KIF12: variants seen among roughly 807,000 people sequenced by gnomAD.
The protein encoded by KIF12 is kinesin-like protein KIF12.
In KIF12, 80 loss-of-function variants were observed where a neutral mutation model predicts 87.9. The observed-to-expected ratio is 0.91, with a 90% CI of 0.76 to 1.10. KIF12 has a LOEUF of 1.10. Among genes scored for constraint, KIF12 ranks in the 50% least tolerant of loss-of-function variants. The pLI is 0.00. For missense variants in KIF12, 819 were observed against 865.3 expected (o/e 0.95, Z 0.67); for synonymous variants, 353 against 348.5 (o/e 1.01, Z -0.14).
Position 114,093,943 on chromosome 9 carries a change from C to T in KIF12, c.1343G>A (p.Arg448Gln), listed in dbSNP as rs78637712. The T allele has an allele frequency of 1.5e-4, 249 of 1,614,074 alleles. No individual in the cohort carries two copies. The highest frequency in any genetic ancestry group is 8.7e-4 in the African/African-American group (65 of 75,020). ...GCGCTGCTCATTCTGGGCCAGGTCT[C>T]GGCTATTCTGCAGCTGGCTCTTTTC... ...RKEKSQLQNSRDLAQNEQRIL... is the reference protein window; with the variant it reads ...RKEKSQLQNSQDLAQNEQRIL... The change falls in exon 14 of 19, where the codon CGA (arginine) becomes CAA (glutamine). Residue 448 changes from arginine (R) to glutamine (Q), a missense_variant. Transcript: ENST00000640217.
chr9:114,092,915 G>C, intron 16 of KIF12: 1 of 1,431,342 alleles, frequency 7.0e-7, no homozygotes, highest in Middle Eastern at 2.6e-4. Flanking sequence ...CTGGTATAAA[G>C]CAAGGAGCTT....
Position 114,097,643 on chromosome 9 carries a change from G to C in KIF12, c.474C>G (p.Thr158=), listed in dbSNP as rs1254130727. 2 of 1,611,774 alleles carry C rather than the reference G, an allele frequency of 1.2e-6. No individual in the cohort carries two copies. Among genetic ancestry groups the C allele is most frequent in the South Asian group, 1.1e-5 (1 of 90,986 alleles). Residue 158 remains threonine (T), a synonymous_variant, in exon 6 of 19, where the codon ACC becomes ACG. Coordinates refer to ENST00000640217, the MANE Select transcript of KIF12 (RefSeq NM_001388308.1). ...AGATCTCCAGATAAGAGGCGCGAAG[G>C]GTGACAGGGGCACCCAGGTGCTGCA... is the stretch of plus-strand genomic sequence containing the variant. The part of the protein sequence containing the change: ...DRVQHLGAPV[T]LRASYLEIYN...
At chr9:114,096,333 C>G (rs931584699) in intron 8 of KIF12, 54 bp downstream of exon 8, 1 of 1,595,478 alleles carries the variant, frequency 6.3e-7, no homozygotes, top group Admixed American at 1.7e-5. Flanking sequence ...TGTCCAGATA[C>G]AGACCCTTGC....
chr9:114,097,738 C>A lies in KIF12; in HGVS notation c.379G>T (p.Glu127Ter), dbSNP rs769856643. 6.2e-7 allele frequency: 1 copy of A among 1,613,080 alleles called. No individual in the cohort carries two copies. Among genetic ancestry groups the A allele is most frequent in the Admixed American group, 1.7e-5 (1 of 59,836 alleles). ...AGGCTGGGGGGTACAGGCACCCCCT[C>A]CCCCTAGGGGCAAAACCAGCTGAGC... The part of the protein sequence containing the change: ...YTLTGPPPQG[E>*]GVPVPPSLAG... The change falls in exon 6 of 19, where the codon GAG becomes TAG. Residue 127 changes from glutamate (E) to a stop codon, truncating the protein, a stop_gained. Coordinates refer to ENST00000640217, the MANE Select transcript of KIF12 (RefSeq NM_001388308.1). LOFTEE classifies it high-confidence loss of function.
rs1344528667 is a variant in KIF12, at chr9:114,093,292, G to A, written c.1533C>T (p.Cys511=). Residue 511 remains cysteine, a synonymous_variant, in exon 16 of 19, where the codon TGC becomes TGT. Transcript: ENST00000640217. ...PLYSCPCCHI[C]PLCRVPLAHW... is the part of the protein sequence containing the mutation. Reference sequence around the variant, plus strand: ...GGGCCAGGGGCACTCGACACAGTGGGCAGATGTGGCAGCAGGGGCAGGAGT... The same window carrying A: ...GGGCCAGGGGCACTCGACACAGTGGACAGATGTGGCAGCAGGGGCAGGAGT... 15 of 1,561,076 alleles carry A rather than the reference G, an allele frequency of 9.6e-6. No homozygotes were observed. Among genetic ancestry groups the A allele is most frequent in the Non-Finnish European group, 1.3e-5 (15 of 1,151,864 alleles).
chr9:114,097,983 C>T (rs1250957078), intron 5 of KIF12, 132 bp downstream of exon 5: 20 of 1,022,552 alleles, frequency 2.0e-5, no homozygotes, highest in Admixed American at 2.9e-5. Flanking sequence ...TCAGCGTCCT[C>T]GTCTGCAAAC....
Position 114,093,625 on chromosome 9 carries a change from C to T in KIF12, c.1401-128G>A, listed in dbSNP as rs551819120. ...ACCGGGCCCCATTCTCAAAGTTTTA[C>T]ATGTTAACTTATTCTCTCTGATTTT... is the stretch of plus-strand genomic sequence containing the variant. On this transcript the variant is annotated intron_variant, in intron 14 of 18. Coordinates refer to ENST00000640217, the MANE Select transcript of KIF12 (RefSeq NM_001388308.1). 81 of 798,798 alleles carry T rather than the reference C, an allele frequency of 1.0e-4. 1 individual carries two copies. In the East Asian group the frequency reaches 1.3e-3, roughly 12 times the overall value. 49.5% of individuals were successfully genotyped at this position (798,798 alleles called of 1,614,324 possible). A position where few individuals can be genotyped will look rare whatever the true frequency, so the allele number is the denominator to read the frequency against.
chr9:114,091,854 T>C lies in KIF12; in HGVS notation c.*7A>G. 3 of 1,593,822 alleles carry C rather than the reference T, an allele frequency of 1.9e-6. No individual in the cohort carries two copies. The highest frequency in any genetic ancestry group is 1.1e-5 in the South Asian group (1 of 90,048). Reference sequence around the variant, plus strand: ...ACACAGCAGTCTCCTGGGTTCCCACTTGGCCTTCAATGGGGAGGGAGGACT... The same window carrying C: ...ACACAGCAGTCTCCTGGGTTCCCACCTGGCCTTCAATGGGGAGGGAGGACT... On this transcript the variant is annotated 3_prime_UTR_variant, in exon 19 of 19. Transcript: ENST00000640217.
In KIF12 at chr9:114,092,545, T is replaced by C; in HGVS notation, c.1694A>G (p.Glu565Gly). Residue 565 changes from glutamate to glycine, a missense_variant, in exon 17 of 19, where the codon GAG (glutamate) becomes GGG (glycine). By Grantham distance (98) the Glu-to-Gly change is moderately conservative. Transcript: ENST00000640217. ...CAGTGCCCCAGGAGAGACCCACCTC[T>C]CTCTTGGGCACTTGGCAGAGCCAGG... is the stretch of plus-strand genomic sequence containing the variant. ...CSPGSAKCPRERSHSDWTQTR... is the reference protein window; with the variant it reads ...CSPGSAKCPRGRSHSDWTQTR... 2 of 1,612,332 alleles carry C rather than the reference T, an allele frequency of 1.2e-6. No homozygotes were observed. Among genetic ancestry groups the C allele is most frequent in the Admixed American group, 1.7e-5 (1 of 59,936 alleles).
At chr9:114,093,160 T>C in intron 16 of KIF12, 69 bp downstream of exon 16, 2 of 1,380,454 alleles carry the variant, frequency 1.4e-6, no homozygotes, top group Non-Finnish European at 2.0e-6. Context: ...GGGCTCTGGA[T>C]TGATGACTCC....
intron 7 of KIF12, 45 bp downstream of exon 7, chr9:114,097,256 G>A (rs778579836): frequency 3.8e-5 from 61 of 1,590,512 alleles, no homozygotes; most frequent in Non-Finnish European, 4.9e-5. Flanking sequence ...AACAACTGAG[G>A]AATGGGCACC....
At chr9:114,094,940 A>G in intron 11 of KIF12, 83 bp downstream of exon 11, 6 of 1,244,756 alleles carry the variant, frequency 4.8e-6, no homozygotes, top group African/African-American at 1.5e-5. Flanking sequence ...CAAGACTTCA[A>G]TCAAGGGACT....
At chr9:114,098,753 G>A (rs1847356528) in intron 3 of KIF12, among the ~76,000 whole-genome samples, 182 bp downstream of exon 3, 1 of 145,192 alleles carries the variant, frequency 6.9e-6, no homozygotes. Flanking sequence ...CGCAGGGGTT[G>A]GCGCGGCGCA....
chr9:114,092,101 T>C (rs1218270072), intron 18 of KIF12, 101 bp from the exon 19 acceptor site: 79 of 1,461,122 alleles, frequency 5.4e-5, no homozygotes, highest in Non-Finnish European at 7.1e-5. Context: ...AGGGGGTAGG[T>C]ACCCTCCACC....
Position 114,096,138 on chromosome 9 carries a change from C to G in KIF12, c.808G>C (p.Ala270Pro). ...VGGKLCFVDL[A>P]GSEKVAATGS... ...GTGGCTGCTACCTTCTCACTGCCTG[C>G]CAGGTCCACAAAGCACAGCTTCCCA... Residue 270 changes from alanine to proline, a missense_variant, in exon 9 of 19, where the codon GCA becomes CCA. Coordinates refer to ENST00000640217, the MANE Select transcript of KIF12 (RefSeq NM_001388308.1). 6.2e-7 allele frequency: 1 copy of G among 1,613,922 alleles called. No individual in the cohort carries two copies.
In KIF12 at chr9:114,098,124, G is replaced by C; in HGVS notation, c.366C>G (p.Pro122=). The change falls in exon 5 of 19, where the codon CCC becomes CCG. Residue 122 remains proline, a synonymous_variant. Coordinates refer to ENST00000640217, the MANE Select transcript of KIF12 (RefSeq NM_001388308.1). ...GSGKTYTLTG[P]PPQGEGVPVP... ...GCCGGCGCTCGCTCACCTGGGGAGG[G>C]GGTCCAGTCAGGGTGTAGGTCTTCC... is the stretch of plus-strand genomic sequence containing the variant. 1 of 1,547,722 alleles carries C rather than the reference G, an allele frequency of 6.5e-7. No individual in the cohort carries two copies. The highest frequency in any genetic ancestry group is 8.7e-7 in the Non-Finnish European group (1 of 1,146,200).
chr9:114,095,432 C>A, intron 9 of KIF12, 100 bp from the exon 10 acceptor site: 1 of 1,233,616 alleles, frequency 8.1e-7, no homozygotes, highest in Non-Finnish European at 1.1e-6. Context: ...GCCTGTGTTG[C>A]CCTAAAAACC....
At chr9:114,092,075 C>CTGTTGGGG in intron 18 of KIF12, 75 bp from the exon 19 acceptor site, 1 of 1,521,916 alleles carries the variant, frequency 6.6e-7, no homozygotes, top group Admixed American at 2.2e-5. Flanking sequence ...GTCCCAACAC[C>CTGTTGGGG]CTCTGGAGAA....
intron 14 of KIF12, 44 bp downstream of exon 14, chr9:114,093,842 C>T: frequency 1.3e-6 from 2 of 1,521,182 alleles, no homozygotes; most frequent in Non-Finnish European, 1.8e-6. Flanking sequence ...TTCCCAGCTG[C>T]CCTCTGTCCA....
Sources: gnomAD v4.1 joint callset for allele counts (sites outside exome capture counted in the v4.1 genomes callset) on GRCh38, gnomAD v4.1.1 for gene constraint, MANE v1.5 for transcripts, NCBI Gene and HGNC (gene_info 2026-07-23, HGNC 2026-07-21) for gene names.